Variants in TSPEAR observed in about 807,000 individuals in gnomAD.
TSPEAR encodes thrombospondin type laminin G domain and EAR repeats, also known as thrombospondin-type laminin G domain and EAR repeat-containing protein.
Under a neutral mutation model 71.6 loss-of-function variants are expected in TSPEAR, and 69 were observed. That is an observed-to-expected ratio of 0.96 (90% CI 0.79 to 1.18). The LOEUF is 1.18. TSPEAR is among the 50% of genes most tolerant of loss of function. TSPEAR has a pLI of 0.00. For missense variants in TSPEAR, 971 were observed against 894.9 expected (o/e 1.09, Z -1.09); for synonymous variants, 402 against 387.2 (o/e 1.04, Z -0.45).
chr21:44,569,325 G>A (rs1482234826), intron 1 of TSPEAR, among the ~76,000 whole-genome samples: 7 of 152,218 alleles, frequency 4.6e-5, no homozygotes, highest in African/African-American at 9.7e-5. Context: ...GTGCACGTCC[G>A]CAAGTGTGCA....
intron 1 of TSPEAR, among the ~76,000 whole-genome samples, chr21:44,621,969 C>T (rs4818945): frequency 6.6e-6 from 1 of 152,184 alleles, no homozygotes; most frequent in Non-Finnish European, 1.5e-5. Context: ...CTGGCAGCCA[C>T]TGACATTTTT....
At position 44,601,094 on chromosome 21, in the gene TSPEAR, C is replaced by A. The variant is rs587673256; in HGVS notation, c.83-33089G>T. On this transcript the variant is annotated intron_variant, in intron 1 of 11. Transcript: ENST00000323084. Reference sequence around the variant, plus strand: ...CCCTGCCAGCAGGCCTGCTGTGTGCCCATCTGCTGCAAGCCTGTCTGCTCT... The same window carrying A: ...CCCTGCCAGCAGGCCTGCTGTGTGCACATCTGCTGCAAGCCTGTCTGCTCT... 3.7e-6 allele frequency: 6 copies of A among 1,609,894 alleles called. No homozygotes were observed. In the South Asian group the frequency reaches 5.5e-5, roughly 15 times the overall value.
chr21:44,638,244 C>G, intron 1 of TSPEAR: 1 of 1,542,030 alleles, frequency 6.5e-7, no homozygotes, highest in Non-Finnish European at 8.8e-7. Flanking sequence ...CAAGCTCTGC[C>G]CTCTCTGGCT....
chr21:44,602,855 T>C (rs1211119), intron 1 of TSPEAR, among the ~76,000 whole-genome samples: 126,177 of 151,932 alleles, frequency 0.83, 54,178 homozygotes, highest in Non-Finnish European at 0.94. Flanking sequence ...TTCCCTTGGT[T>C]GATTTTGCTC....
intron 1 of TSPEAR, chr21:44,579,918 C>T (rs782490022): frequency 2.0e-5 from 32 of 1,613,634 alleles, no homozygotes; most frequent in East Asian, 8.9e-5. Context: ...AGGAGGGACA[C>T]GGAGGAGGAG....
intron 2 of TSPEAR, 83 bp from the exon 3 acceptor site, chr21:44,534,006 G>T: frequency 1.0e-6 from 1 of 1,004,796 alleles, no homozygotes; most frequent in South Asian, 1.5e-5. Context: ...TGGCAGAGGT[G>T]ATGAGCACAG....
At chr21:44,557,761 T>G in intron 2 of TSPEAR, 3 of 469,216 alleles carry the variant, frequency 6.4e-6, no homozygotes, top group Non-Finnish European at 1.1e-5. Context: ...TCCCACAGGG[T>G]TTGCCAGATA....
intron 1 of TSPEAR, chr21:44,646,905 C>G: frequency 6.2e-7 from 1 of 1,611,700 alleles, no homozygotes; most frequent in Non-Finnish European, 8.5e-7. Flanking sequence ...GCTGTGTGCC[C>G]GTCTGCTGCA....
At chr21:44,503,908 G>A (rs1173466870) in intron 11 of TSPEAR, among the ~76,000 whole-genome samples, 1 of 146,902 alleles carries the variant, frequency 6.8e-6, no homozygotes, top group Non-Finnish European at 1.5e-5. Flanking sequence ...GTGCTGGGAG[G>A]AAGCTGGCCT....
At chr21:44,585,370 C>T (rs782753014) in intron 1 of TSPEAR, among the ~76,000 whole-genome samples, 3 of 152,212 alleles carry the variant, frequency 2.0e-5, no homozygotes, top group Non-Finnish European at 4.4e-5. Flanking sequence ...TTTCACCAGA[C>T]CCCTCCCTAG....
intron 1 of TSPEAR, among the ~76,000 whole-genome samples, chr21:44,583,301 C>T (rs1979128024): frequency 6.6e-6 from 1 of 152,084 alleles, no homozygotes; most frequent in Non-Finnish European, 1.5e-5. Flanking sequence ...AAGTGACACA[C>T]GTTTGGATTC....
intron 1 of TSPEAR, among the ~76,000 whole-genome samples, chr21:44,652,171 G>C (rs140208839): frequency 0.011 from 1,625 of 152,202 alleles, 20 homozygotes; most frequent in Middle Eastern, 0.041. Flanking sequence ...TTTTAGTAGA[G>C]ACGGGGTTTC....
At chr21:44,681,352 C>T (rs1326954557) in intron 1 of TSPEAR, among the ~76,000 whole-genome samples, 2 of 152,204 alleles carry the variant, frequency 1.3e-5, no homozygotes, top group South Asian at 4.1e-4. Flanking sequence ...GGCCACTCCA[C>T]CACAGGCGGG....
intron 2 of TSPEAR, among the ~76,000 whole-genome samples, chr21:44,566,827 T>C (rs769995904): frequency 2.6e-5 from 4 of 152,148 alleles, no homozygotes; most frequent in South Asian, 4.2e-4. Context: ...AAGAACAAAA[T>C]TGACCCCCTA....
In TSPEAR at chr21:44,711,081, G is replaced by A. The variant is rs977783032; in HGVS notation, c.82+352C>T. 3.3e-5 allele frequency among the ~76,000 whole-genome samples: 5 copies of A among 152,216 alleles called. No individual in the cohort carries two copies. Among genetic ancestry groups the A allele is most frequent in the Non-Finnish European group, 7.3e-5 (5 of 68,040 alleles). On this transcript the variant is annotated intron_variant, in intron 1 of 11. Transcript: ENST00000323084. The surrounding 1 kb of genome is among the most constrained non-coding windows in gnomAD (Gnocchi z 4.5). ...GCACAGTAGCCTCCCGGGCTGCTGCGACTTCATTCTTCATTCCCAAAGCAG... is the reference window on the plus strand; with the variant it reads ...GCACAGTAGCCTCCCGGGCTGCTGCAACTTCATTCTTCATTCCCAAAGCAG...
At chr21:44,584,540 T>C (rs991092662) in intron 1 of TSPEAR, among the ~76,000 whole-genome samples, 2 of 152,252 alleles carry the variant, frequency 1.3e-5, no homozygotes, top group South Asian at 2.1e-4. Context: ...GCTTAGTTTT[T>C]CTTTAACATA....
chr21:44,580,121 C>A (rs1555924780), intron 1 of TSPEAR: 1 of 1,613,118 alleles, frequency 6.2e-7, no homozygotes. Context: ...AGAATGCTGG[C>A]AGCATGAAGA....
At chr21:44,518,651 C>A in intron 9 of TSPEAR, 1 of 470,730 alleles carries the variant, frequency 2.1e-6, no homozygotes. Context: ...GCTCTCAAGA[C>A]CCCCTGGAGG....
chr21:44,684,395 G>A (rs1310599456), intron 1 of TSPEAR, among the ~76,000 whole-genome samples: 2 of 152,138 alleles, frequency 1.3e-5, no homozygotes, highest in East Asian at 3.9e-4. Context: ...TTAGCTAGGG[G>A]TGGCGGTGTG....
Sources: gnomAD v4.1 joint callset for allele counts (sites outside exome capture counted in the v4.1 genomes callset) on GRCh38, gnomAD v4.1.1 for gene constraint, Gnocchi (gnomAD v3.1) non-coding constraint, MANE v1.5 for transcripts, NCBI Gene and HGNC (gene_info 2026-07-23, HGNC 2026-07-21) for gene names.